The following ATAD2 variants were observed in gnomAD, a reference collection of about 807,000 sequenced individuals.
The protein encoded by ATAD2 is ATPase family AAA domain containing 2, also known as ATPase family AAA domain-containing protein 2.
A neutral mutation model predicts 168.9 loss-of-function variants in ATAD2; 62 were observed. The ratio of observed to expected loss-of-function variants is 0.37; its 90% CI spans 0.30 to 0.45. The LOEUF (loss-of-function observed/expected upper bound fraction) is 0.45. ATAD2 is among the 20% of genes least tolerant of loss of function. ATAD2 has a pLI of 1.00. For synonymous variants in ATAD2, 613 were observed against 571.6 expected, an observed-to-expected ratio of 1.07 and a Z score of -1.03; for missense variants, 1,419 against 1,667.8, an observed-to-expected ratio of 0.85 and a Z score of 2.60.
intron 1 of ATAD2, among the ~76,000 whole-genome samples, chr8:123,384,360 AAC>A (rs1317050926): frequency 1.3e-5 from 2 of 152,326 alleles, no homozygotes; most frequent in African/African-American, 4.8e-5. Flanking sequence ...GATACACAAA[AAC>A]ACAGTCTTGA....
At chr8:123,388,271 C>A (rs905047129) in intron 1 of ATAD2, among the ~76,000 whole-genome samples, 4 of 152,228 alleles carry the variant, frequency 2.6e-5, no homozygotes, top group Admixed American at 2.6e-4. Context: ...TCATGGCTCA[C>A]TGCAGCCTCA....
At chr8:123,416,174 G>A (rs1352323285) in intron 1 of ATAD2, 1 of 152,228 alleles carries the variant, frequency 6.6e-6, no homozygotes, top group Non-Finnish European at 1.5e-5. Context: ...TCTTCTCTGG[G>A]CTCCCGCAGA....
At chr8:123,364,369 T>C (rs2129686323) in intron 8 of ATAD2, among the ~76,000 whole-genome samples, 1 of 152,152 alleles carries the variant, frequency 6.6e-6, no homozygotes, top group Non-Finnish European at 1.5e-5. Context: ...TTTAAAAACA[T>C]TGTAAACACT....
At chr8:123,406,983 G>A (rs532614938) in intron 1 of ATAD2, among the ~76,000 whole-genome samples, 30 of 152,220 alleles carry the variant, frequency 2.0e-4, no homozygotes, top group South Asian at 6.2e-4. Flanking sequence ...GATTATTCTC[G>A]TTTATGGTGA....
chr8:123,327,851 T>A (rs150103956), intron 25 of ATAD2, among the ~76,000 whole-genome samples: 271 of 152,348 alleles, frequency 1.8e-3, no homozygotes, highest in African/African-American at 6.4e-3. Flanking sequence ...ATACTTTAGT[T>A]TGTTACATTT....
In ATAD2 at chr8:123,396,365, C is replaced by G. The variant is rs1207147857; in HGVS notation, c.-8G>C. 1.3e-6 allele frequency: 2 copies of G among 1,566,358 alleles called. No individual in the cohort carries two copies. Among genetic ancestry groups the G allele is most frequent in the South Asian group, 1.1e-5 (1 of 88,548 alleles). On this transcript the variant is annotated 5_prime_UTR_variant, in exon 1 of 28. Transcript: ENST00000287394. The stretch of plus-strand genomic sequence containing the variant: ...GCTGCGGAGAACCACCATCTTCTCT[C>G]CCTACTGGCCTCGGCGTGCGCGACC...
rs755809741 is a variant in ATAD2, at chr8:123,347,180, G to T, written c.2124C>A (p.Leu708=). ...GQALSTVVKP[L]LQNTVDKILE... ...AAATCTTGTCAACAGTGTTTTGCAG[G>T]AGTGGTTTCACAACGGTGGACAGTG... The change falls in exon 16 of 28, where the codon CTC becomes CTA. Residue 708 remains leucine (L), a synonymous_variant. Transcript: ENST00000287394. 6 of 1,614,134 alleles carry T rather than the reference G, an allele frequency of 3.7e-6. No individual in the cohort carries two copies. Among genetic ancestry groups the T allele is most frequent in the Middle Eastern group, 3.3e-4 (2 of 6,062 alleles).
At chr8:123,380,389 A>T (rs1392271954) in intron 2 of ATAD2, 140 bp downstream of exon 2, 1 of 923,814 alleles carries the variant, frequency 1.1e-6, no homozygotes, top group African/African-American at 1.7e-5. Context: ...CTCACTTGTG[A>T]TCATTTATTT....
At chr8:123,336,080 C>A (rs1329372955) in intron 22 of ATAD2, among the ~76,000 whole-genome samples, 1 of 152,066 alleles carries the variant, frequency 6.6e-6, no homozygotes, top group Non-Finnish European at 1.5e-5. Flanking sequence ...ACAAAGTATA[C>A]AAGCCATTTT....
At chr8:123,343,041 A>G (rs1279626109) in intron 19 of ATAD2, among the ~76,000 whole-genome samples, 1 of 151,210 alleles carries the variant, frequency 6.6e-6, no homozygotes, top group Non-Finnish European at 1.5e-5. Flanking sequence ...CTGGAGTGCA[A>G]TGGTGGGATC....
At chr8:123,401,797 C>T in intron 1 of ATAD2, 1 of 754,852 alleles carries the variant, frequency 1.3e-6, no homozygotes, top group East Asian at 2.4e-5. Flanking sequence ...TCAAGAAATA[C>T]TGGGGCACAG....
At chr8:123,360,876 T>C (rs983307769) in intron 9 of ATAD2, among the ~76,000 whole-genome samples, 1 of 148,914 alleles carries the variant, frequency 6.7e-6, no homozygotes, top group Non-Finnish European at 1.5e-5. Context: ...CAAGGAGTTA[T>C]AAAATGAGTA....
chr8:123,415,299 T>C (rs1217980429), intron 1 of ATAD2, among the ~76,000 whole-genome samples: 1 of 152,220 alleles, frequency 6.6e-6, no homozygotes, highest in Admixed American at 6.5e-5. Context: ...AGTTGTTATA[T>C]AGCATAGAGG....
chr8:123,379,887 A>ATTTT (rs769102696), intron 2 of ATAD2, among the ~76,000 whole-genome samples: 33 of 127,608 alleles, frequency 2.6e-4, no homozygotes, highest in Admixed American at 1.1e-3. Context: ...TATTATTATT[A>ATTTT]TTATTTTTTT....
chr8:123,390,126 A>G (rs1829785567), intron 1 of ATAD2, among the ~76,000 whole-genome samples: 1 of 151,246 alleles, frequency 6.6e-6, no homozygotes, highest in Non-Finnish European at 1.5e-5. Context: ...TTACAGGTGC[A>G]CACTGCCACA....
intron 9 of ATAD2, among the ~76,000 whole-genome samples, chr8:123,360,543 A>G (rs1268769738): frequency 6.6e-6 from 1 of 152,174 alleles, no homozygotes; most frequent in Non-Finnish European, 1.5e-5. Context: ...GGGTTTCACC[A>G]TGCTGGACAG....
At chr8:123,392,131 TCAA>T (rs1829840940) in intron 1 of ATAD2, among the ~76,000 whole-genome samples, 1 of 152,092 alleles carries the variant, frequency 6.6e-6, no homozygotes, top group South Asian at 2.1e-4. Context: ...GTAAGAACAA[TCAA>T]CAACAAATAT....
intron 22 of ATAD2, among the ~76,000 whole-genome samples, chr8:123,335,024 C>T (rs909839291): frequency 2.0e-5 from 3 of 152,066 alleles, no homozygotes; most frequent in Admixed American, 1.3e-4. Context: ...CCTGTGTCAC[C>T]GGGAAACTCA....
rs150948375 is a variant in ATAD2, at chr8:123,380,807, C to T, written c.172-130G>A. 1.5e-4 allele frequency: 127 copies of T among 820,020 alleles called. 1 individual carries two copies. The African/African-American group carries it at 1.9e-3, about 12-fold the overall frequency. 50.8% of individuals were successfully genotyped at this position (820,020 alleles called of 1,614,324 possible). ...TTGTGCAGAATCATTTTGTATCTCC[C>T]CAAGAAACTACAAGTTAGTATCTAG... On this transcript the variant is annotated intron_variant, in intron 1 of 27. Coordinates refer to ENST00000287394, the MANE Select transcript of ATAD2 (RefSeq NM_014109.4).
Sources: gnomAD v4.1 joint callset for allele counts (sites outside exome capture counted in the v4.1 genomes callset) on GRCh38, gnomAD v4.1.1 for gene constraint, MANE v1.5 for transcripts, NCBI Gene and HGNC (gene_info 2026-07-23, HGNC 2026-07-21) for gene names.